Variants in SNTB1 observed in about 807,000 individuals in gnomAD.
The protein encoded by SNTB1 is beta-1-syntrophin.
SNTB1 carries 36 observed loss-of-function variants against 48.9 expected under a neutral mutation model. That is an observed-to-expected ratio of 0.74 (90% confidence interval 0.56 to 0.97). The LOEUF (loss-of-function observed/expected upper bound fraction) is 0.97. Among genes scored for constraint, SNTB1 ranks in the 50% least tolerant of loss-of-function variants. The pLI is 0.00. For synonymous variants in SNTB1, 299 were observed against 294.6 expected (o/e 1.01, Z -0.15); for missense variants, 786 against 703.4 (o/e 1.12, Z -1.33).
intron 1 of SNTB1, among the ~76,000 whole-genome samples, chr8:120,749,010 C>T (rs1819169601): frequency 6.6e-6 from 1 of 151,924 alleles, no homozygotes; most frequent in African/African-American, 2.4e-5. Context: ...CACCTGGCAC[C>T]CAATAAGAAC....
chr8:120,801,231 T>C (rs1820220853), intron 1 of SNTB1, among the ~76,000 whole-genome samples: 1 of 152,016 alleles, frequency 6.6e-6, no homozygotes, highest in African/African-American at 2.4e-5. Flanking sequence ...GTATTTGAAA[T>C]GCAAGGCCTC....
rs1193789733 is a variant in SNTB1 at position 120,764,702 on chromosome 8, C to A, written c.571+46571G>T. Among the ~76,000 whole-genome samples, 6 of 152,240 alleles carry A rather than the reference C, an allele frequency of 3.9e-5. No homozygotes were observed. In the South Asian group the frequency reaches 6.2e-4, roughly 16 times the overall value. ...TCACAAAGGAAAGCTCCATCAGTTA[C>A]TTTAGGACCCCACCCCAGGCCCTGC... On this transcript the variant is annotated intron_variant, in intron 1 of 6. Coordinates refer to ENST00000517992, the MANE Select transcript of SNTB1 (RefSeq NM_021021.4).
intron 2 of SNTB1, among the ~76,000 whole-genome samples, chr8:120,683,084 C>T (rs756978345): frequency 1.4e-4 from 22 of 151,882 alleles, no homozygotes; most frequent in South Asian, 1.2e-3. Context: ...GGTTTCACTG[C>T]GTTAGCCAGG....
rs755906525 is a variant in SNTB1, at chr8:120,632,668, A to G, written c.789-17T>C. On this transcript the variant is annotated splice_polypyrimidine_tract_variant and intron_variant, in intron 2 of 6. Coordinates refer to ENST00000517992, the MANE Select transcript of SNTB1 (RefSeq NM_021021.4). ...TCAAGCTGCCTAGAGGAGCACAGAG[A>G]GAAGGGTTAGAAAGTTTCCTGGCAG... The G allele has an allele frequency of 1.2e-6, 2 of 1,612,130 alleles. No individual in the cohort carries two copies. The highest frequency in any genetic ancestry group is 3.3e-5 in the Admixed American group (2 of 59,952).
intron 2 of SNTB1, chr8:120,637,905 A>G: frequency 4.4e-6 from 1 of 226,642 alleles, no homozygotes; most frequent in Admixed American, 4.5e-5. Flanking sequence ...CCTGTAAGGT[A>G]ATGTAATTTT....
chr8:120,717,823 G>A (rs1818586932), intron 1 of SNTB1, among the ~76,000 whole-genome samples: 1 of 152,094 alleles, frequency 6.6e-6, no homozygotes, highest in Non-Finnish European at 1.5e-5. Flanking sequence ...GGATCTGCAG[G>A]GCATGTTTAG....
chr8:120,651,554 G>GT (rs1447816291), intron 2 of SNTB1, among the ~76,000 whole-genome samples: 1 of 152,166 alleles, frequency 6.6e-6, no homozygotes, highest in Non-Finnish European at 1.5e-5. Context: ...GATGAGAATG[G>GT]TTTCATTTTT....
chr8:120,618,486 C>T (rs1451367433), intron 3 of SNTB1, among the ~76,000 whole-genome samples: 2 of 152,198 alleles, frequency 1.3e-5, no homozygotes, highest in Non-Finnish European at 2.9e-5. Flanking sequence ...TGACGTGTCA[C>T]CATCATAGTC....
At chr8:120,713,107 T>TA (rs1047198805) in intron 1 of SNTB1, among the ~76,000 whole-genome samples, 5 of 152,150 alleles carry the variant, frequency 3.3e-5, no homozygotes, top group East Asian at 1.9e-4. Flanking sequence ...GCTAAAGAGT[T>TA]ACGATCATCT....
rs549506842 is a variant in SNTB1 at position 120,588,502 on chromosome 8, C to T, written c.997-13277G>A. On this transcript the variant is annotated intron_variant, in intron 3 of 6. Transcript: ENST00000517992. ...CCACTTATCCTGCTTTAAACTCCTT[C>T]GTAAAACCTGCCCCAACTGGGAATA... 4.7e-5 allele frequency among the ~76,000 whole-genome samples: 7 copies of T among 148,970 alleles called. No homozygotes were observed. The East Asian group carries it at 6.0e-4, about 13-fold the overall frequency.
intron 4 of SNTB1, among the ~76,000 whole-genome samples, chr8:120,567,573 A>C (rs1036731637): frequency 6.6e-6 from 1 of 151,644 alleles, no homozygotes; most frequent in Non-Finnish European, 1.5e-5. Context: ...GGTGTGCACC[A>C]CCATGCATGG....
At chr8:120,622,518 CAAAG>C (rs1225042760) in intron 3 of SNTB1, among the ~76,000 whole-genome samples, 3 of 151,712 alleles carry the variant, frequency 2.0e-5, no homozygotes, top group Non-Finnish European at 4.4e-5. Flanking sequence ...TATAAGGATG[CAAAG>C]AAACTCTGAA....
intron 2 of SNTB1, among the ~76,000 whole-genome samples, chr8:120,655,239 AAAG>A (rs1378565569): frequency 1.3e-5 from 2 of 152,244 alleles, no homozygotes; most frequent in African/African-American, 4.8e-5. Context: ...GCTTCAGTAA[AAAG>A]AAGTATTCTT....
chr8:120,763,997 CATA>C (rs1563594338), intron 1 of SNTB1, among the ~76,000 whole-genome samples: 1 of 152,098 alleles, frequency 6.6e-6, no homozygotes, highest in African/African-American at 2.4e-5. Context: ...TAAAAACTGC[CATA>C]ATACTTATGG....
chr8:120,687,289 T>C lies in SNTB1; in HGVS notation c.788+6403A>G, dbSNP rs143379884. On this transcript the variant is annotated intron_variant, in intron 2 of 6. Coordinates refer to ENST00000517992, the MANE Select transcript of SNTB1 (RefSeq NM_021021.4). The stretch of plus-strand genomic sequence containing the variant: ...CAAAACAGGGTACTATGAGAACAAC[T>C]TCAAGGAGCCTAGAATGAAAAGTGA... Among the ~76,000 whole-genome samples, 1,225 of 152,304 alleles carry C rather than the reference T, an allele frequency of 8.0e-3. 16 individuals carry two copies. Among genetic ancestry groups the C allele is most frequent in the African/African-American group, 0.028 (1,183 of 41,554 alleles).
chr8:120,609,592 C>G (rs756185956), intron 3 of SNTB1, among the ~76,000 whole-genome samples: 5 of 152,156 alleles, frequency 3.3e-5, no homozygotes, highest in Non-Finnish European at 7.3e-5. Flanking sequence ...CCTGCAGAAC[C>G]ACCTTTAAAA....
chr8:120,696,066 T>G (rs1587095911), intron 1 of SNTB1, among the ~76,000 whole-genome samples: 1 of 152,364 alleles, frequency 6.6e-6, no homozygotes, highest in Middle Eastern at 3.4e-3. Context: ...TAGAAGATCC[T>G]AAACTTTTTC....
Position 120,706,787 on chromosome 8 carries a change from G to A in SNTB1, c.572-12879C>T, listed in dbSNP as rs576567641. Among the ~76,000 whole-genome samples the A allele has an allele frequency of 1.4e-3, 218 of 152,182 alleles. 1 individual carries two copies. The highest frequency in any genetic ancestry group is 2.8e-3 in the Non-Finnish European group (189 of 68,038). ...ATAAAACTCTATTATTCCAGGTGTA[G>A]CTTCATAATAACATCCTGCAAATCA... On this transcript the variant is annotated intron_variant, in intron 1 of 6. Transcript: ENST00000517992.
At chr8:120,632,154 C>T (rs1380995471) in intron 3 of SNTB1, among the ~76,000 whole-genome samples, 2 of 152,178 alleles carry the variant, frequency 1.3e-5, no homozygotes, top group African/African-American at 4.8e-5. Flanking sequence ...TCCCTTCATA[C>T]ATAGATGTTA....
Sources: gnomAD v4.1 joint callset for allele counts (sites outside exome capture counted in the v4.1 genomes callset) on GRCh38, gnomAD v4.1.1 for gene constraint, MANE v1.5 for transcripts, NCBI Gene and HGNC (gene_info 2026-07-23, HGNC 2026-07-21) for gene names.